STIM1: variants seen among roughly 807,000 people sequenced by gnomAD.
The protein encoded by STIM1 is stromal interaction molecule 1.
A neutral mutation model predicts 74.7 loss-of-function variants in STIM1; 25 were observed. That is an observed-to-expected ratio of 0.33 (90% CI 0.24 to 0.47). STIM1 has a LOEUF of 0.47. STIM1 is among the 20% of genes least tolerant of loss of function. The pLI is 1.00. For synonymous variants in STIM1, 328 were observed against 348.8 expected (o/e 0.94, Z 0.66); for missense variants, 728 against 920.8 (o/e 0.79, Z 2.71).
chr11:4,019,964 G>A (rs1211947834), intron 2 of STIM1, among the ~76,000 whole-genome samples: 1 of 152,096 alleles, frequency 6.6e-6, no homozygotes, highest in Non-Finnish European at 1.5e-5. Context: ...ACCCTTCCCA[G>A]ATTCTGGTAA....
At chr11:4,083,650 A>C in intron 10 of STIM1, 152 bp downstream of exon 10, 1 of 739,576 alleles carries the variant, frequency 1.4e-6, no homozygotes, top group East Asian at 2.7e-5. Context: ...CAATTTACTC[A>C]GGTTATTTCT....
chr11:4,040,281 T>C (rs944733527), intron 3 of STIM1, among the ~76,000 whole-genome samples: 6 of 152,218 alleles, frequency 3.9e-5, no homozygotes, highest in African/African-American at 1.2e-4. Context: ...TGCTTATTTC[T>C]CTGATCTACT....
chr11:4,025,527 C>A (rs920624197), intron 3 of STIM1, among the ~76,000 whole-genome samples: 20 of 152,172 alleles, frequency 1.3e-4, no homozygotes, highest in African/African-American at 4.6e-4. Flanking sequence ...AAAAAATCTT[C>A]CATTAGCATC....
In STIM1 at chr11:3,896,569, T is replaced by A. The variant is rs1026227710; in HGVS notation, c.139+40160T>A. Among the ~76,000 whole-genome samples, 5 of 152,224 alleles carry A rather than the reference T, an allele frequency of 3.3e-5. No individual in the cohort carries two copies. In the South Asian group the frequency reaches 1.0e-3, roughly 31 times the overall value. On this transcript the variant is annotated intron_variant, in intron 1 of 12. Coordinates refer to ENST00000526596, the MANE Select transcript of STIM1 (RefSeq NM_001382567.1). ...CAAGGGATGCAAGGAAGCATAAGAT[T>A]TAGTAATTTCTTCCCTCATGGAATA...
chr11:3,922,025 C>T (rs1326224536), intron 1 of STIM1: 1 of 152,128 alleles, frequency 6.6e-6, no homozygotes, highest in Non-Finnish European at 1.5e-5. Flanking sequence ...AAGCCACTTC[C>T]TTGATTCGTA....
chr11:3,976,045 C>CTTTA (rs2093445210), intron 2 of STIM1, among the ~76,000 whole-genome samples: 1 of 152,166 alleles, frequency 6.6e-6, no homozygotes, highest in Non-Finnish European at 1.5e-5. Flanking sequence ...TTTATAGTAT[C>CTTTA]TTTATTTGTG....
At chr11:4,046,155 C>T (rs1009275460) in intron 3 of STIM1, among the ~76,000 whole-genome samples, 1 of 147,154 alleles carries the variant, frequency 6.8e-6, no homozygotes, top group Admixed American at 7.1e-5. Flanking sequence ...ACCTCTGCCT[C>T]CTGGGTTCCA....
At chr11:4,014,087 G>A (rs1449491599) in intron 2 of STIM1, among the ~76,000 whole-genome samples, 1 of 152,024 alleles carries the variant, frequency 6.6e-6, no homozygotes, top group East Asian at 1.9e-4. Context: ...CTTGTCTTCT[G>A]CTAGCTCTTG....
chr11:3,995,914 C>T (rs1354322590), intron 2 of STIM1, among the ~76,000 whole-genome samples: 1 of 151,646 alleles, frequency 6.6e-6, no homozygotes, highest in Non-Finnish European at 1.5e-5. Flanking sequence ...CCTATGTTGC[C>T]CAGGCTGGTG....
rs537377880 is a variant in STIM1, at chr11:4,014,300, G to C, written c.271-9573G>C. 1.7e-4 allele frequency among the ~76,000 whole-genome samples: 26 copies of C among 152,184 alleles called. 1 individual carries two copies. In the South Asian group the frequency reaches 5.4e-3, roughly 31 times the overall value. On this transcript the variant is annotated intron_variant, in intron 2 of 12. Transcript: ENST00000526596. ...ACATCTTTATTTCTGCCTTCATTTC[G>C]TTATTTATCCAGTAGTCCTTCAGGA... is the stretch of plus-strand genomic sequence containing the variant.
Position 3,856,300 on chromosome 11 carries a change from G to GCTC in STIM1, c.34_36dup (p.Leu12dup). The GCTC allele has an allele frequency of 1.2e-6, 2 of 1,614,162 alleles. No individual in the cohort carries two copies. Among genetic ancestry groups the GCTC allele is most frequent in the Non-Finnish European group, 1.7e-6 (2 of 1,180,020 alleles). On this transcript the variant is annotated inframe_insertion, in exon 1 of 13. Transcript: ENST00000526596. ...ATGTATGCGTCCGTCTTGCCCTGTG[G>GCTC]CTCCTCTGGGGACTCCTCCTGCACC... is the stretch of plus-strand genomic sequence containing the variant.
chr11:4,027,670 T>G (rs1229945485), intron 3 of STIM1, among the ~76,000 whole-genome samples: 1 of 152,182 alleles, frequency 6.6e-6, no homozygotes, highest in African/African-American at 2.4e-5. Context: ...CATTTTTTAT[T>G]TCTAAGTGTC....
chr11:4,070,141 G>A lies in STIM1; in HGVS notation c.729G>A (p.Lys243=). ...QNRYSKEHMK[K]MMKDLEGLHR... is the part of the protein sequence containing the mutation. ...GTTACTCCAAGGAGCACATGAAGAAGATGATGAAGGACTTGGAGGGGTTAC... is the reference window on the plus strand; with the variant it reads ...GTTACTCCAAGGAGCACATGAAGAAAATGATGAAGGACTTGGAGGGGTTAC... Residue 243 remains lysine, a synonymous_variant, in exon 6 of 13, where the codon AAG becomes AAA. Transcript: ENST00000526596. The A allele has an allele frequency of 2.5e-6, 4 of 1,614,216 alleles. No homozygotes were observed. The highest frequency in any genetic ancestry group is 3.4e-6 in the Non-Finnish European group (4 of 1,180,042).
chr11:3,860,511 C>T (rs2090554838), intron 1 of STIM1, among the ~76,000 whole-genome samples: 1 of 152,212 alleles, frequency 6.6e-6, no homozygotes, highest in African/African-American at 2.4e-5. Flanking sequence ...TATATACATG[C>T]AGAAAGCTGT....
chr11:4,052,425 A>G (rs1292513971), intron 3 of STIM1, among the ~76,000 whole-genome samples: 1 of 152,206 alleles, frequency 6.6e-6, no homozygotes, highest in Non-Finnish European at 1.5e-5. Context: ...GCCCTCAGAA[A>G]TAATACCACA....
At chr11:3,879,931 A>T (rs183495827) in intron 1 of STIM1, among the ~76,000 whole-genome samples, 1 of 152,232 alleles carries the variant, frequency 6.6e-6, no homozygotes, top group African/African-American at 2.4e-5. Context: ...TGCCGAGAGA[A>T]TTCTCTTTCT....
rs145927692 is a variant in STIM1, at chr11:3,996,377, A to T, written c.271-27496A>T. On this transcript the variant is annotated intron_variant, in intron 2 of 12. Coordinates refer to ENST00000526596, the MANE Select transcript of STIM1 (RefSeq NM_001382567.1). Reference sequence around the variant, plus strand: ...TTGTGGCTCCAGTATTCTTAGTGGCACTGCATCCAAGGTAAAGCTCTCGTC... The same window carrying T: ...TTGTGGCTCCAGTATTCTTAGTGGCTCTGCATCCAAGGTAAAGCTCTCGTC... Among the ~76,000 whole-genome samples, 85 of 152,340 alleles carry T rather than the reference A, an allele frequency of 5.6e-4. 2 individuals carry two copies. The highest frequency in any genetic ancestry group is 6.8e-3 in the Middle Eastern group (2 of 294).
intron 2 of STIM1, among the ~76,000 whole-genome samples, chr11:3,968,487 T>C (rs980138284): frequency 1.1e-4 from 16 of 152,178 alleles, no homozygotes; most frequent in African/African-American, 3.9e-4. Context: ...GGATCCCACA[T>C]TGTCAGATCC....
chr11:3,932,034 T>C (rs1296686979), intron 1 of STIM1, among the ~76,000 whole-genome samples: 1 of 152,154 alleles, frequency 6.6e-6, no homozygotes, highest in East Asian at 1.9e-4. Context: ...CCCGGCCTGT[T>C]GCTCCTGGGC....
Sources: allele counts gnomAD v4.1 joint callset (sites outside exome capture counted in the v4.1 genomes callset), GRCh38; gene constraint gnomAD v4.1.1; transcripts MANE v1.5; gene names NCBI Gene and HGNC (gene_info 2026-07-23, HGNC 2026-07-21).